The following MAGI3 variants were observed in gnomAD, a reference collection of about 807,000 sequenced individuals.
The protein encoded by MAGI3 is membrane-associated guanylate kinase, WW and PDZ domain-containing protein 3.
In MAGI3, 43 loss-of-function variants were observed where a neutral mutation model predicts 121.8. That is an observed-to-expected ratio of 0.35 (90% CI 0.28 to 0.46). The LOEUF is 0.46. Among genes scored for constraint, MAGI3 ranks in the 20% least tolerant of loss-of-function variants. MAGI3 has a pLI of 1.00. For missense variants in MAGI3, 1,547 were observed against 1,797.3 expected, an observed-to-expected ratio of 0.86 and a Z score of 2.52; for synonymous variants, 553 against 639.3, an observed-to-expected ratio of 0.86 and a Z score of 2.04.
chr1:113,522,428 T>A (rs997649301), intron 1 of MAGI3, among the ~76,000 whole-genome samples: 2 of 152,214 alleles, frequency 1.3e-5, no homozygotes, highest in Non-Finnish European at 2.9e-5. Flanking sequence ...TTTATAATTA[T>A]TCATGTGCTT....
intron 1 of MAGI3, among the ~76,000 whole-genome samples, chr1:113,528,418 T>G (rs1412435971): frequency 6.6e-6 from 1 of 152,090 alleles, no homozygotes; most frequent in Admixed American, 6.5e-5. Context: ...GTAATTCCTA[T>G]AAACTGGAAT....
chr1:113,653,606 A>T (rs932547525), intron 14 of MAGI3, among the ~76,000 whole-genome samples: 2 of 152,058 alleles, frequency 1.3e-5, no homozygotes, highest in Non-Finnish European at 2.9e-5. Context: ...ATGAGATTGT[A>T]TGTATTTTTC....
chr1:113,420,127 CAGAA>C (rs1446712582), intron 1 of MAGI3, among the ~76,000 whole-genome samples: 4 of 152,160 alleles, frequency 2.6e-5, no homozygotes, highest in Admixed American at 6.5e-5. Context: ...TGGGCAGTCT[CAGAA>C]AGCAGCAGCA....
chr1:113,481,446 A>T (rs1370328188), intron 1 of MAGI3, among the ~76,000 whole-genome samples: 1 of 152,212 alleles, frequency 6.6e-6, no homozygotes, highest in Non-Finnish European at 1.5e-5. Flanking sequence ...CAATTATGTT[A>T]GCTATCTAAT....
intron 2 of MAGI3, among the ~76,000 whole-genome samples, chr1:113,568,307 G>A (rs1170204878): frequency 6.6e-6 from 1 of 152,072 alleles, no homozygotes; most frequent in African/African-American, 2.4e-5. Flanking sequence ...AACCTCTAAT[G>A]AAACGTAAGT....
intron 1 of MAGI3, among the ~76,000 whole-genome samples, chr1:113,438,403 C>T (rs1653745436): frequency 6.6e-6 from 1 of 152,132 alleles, no homozygotes; most frequent in African/African-American, 2.4e-5. Context: ...ATGCCTTTTC[C>T]ATCTTAACTA....
chr1:113,521,702 A>G (rs1658208421), intron 1 of MAGI3, among the ~76,000 whole-genome samples: 1 of 152,134 alleles, frequency 6.6e-6, no homozygotes. Context: ...CACTGCACCC[A>G]GCCACAGTTA....
intron 1 of MAGI3, among the ~76,000 whole-genome samples, chr1:113,526,426 G>A (rs183977094): frequency 6.6e-6 from 1 of 152,334 alleles, no homozygotes; most frequent in Non-Finnish European, 1.5e-5. Context: ...GGGGAAGAGT[G>A]TTCCAGAGAA....
At chr1:113,592,529 T>C (rs1570912221) in intron 5 of MAGI3, among the ~76,000 whole-genome samples, 1 of 152,212 alleles carries the variant, frequency 6.6e-6, no homozygotes, top group East Asian at 1.9e-4. Context: ...GTTGTTCTTA[T>C]TGTTGTTTCC....
intron 1 of MAGI3, among the ~76,000 whole-genome samples, chr1:113,474,662 G>A (rs1258723312): frequency 2.0e-5 from 3 of 149,990 alleles, no homozygotes; most frequent in Non-Finnish European, 4.5e-5. Flanking sequence ...TTTTGGTTAA[G>A]TCAGGTAGCG....
chr1:113,557,955 G>C (rs1336363187), intron 2 of MAGI3, among the ~76,000 whole-genome samples: 1 of 152,148 alleles, frequency 6.6e-6, no homozygotes, highest in Non-Finnish European at 1.5e-5. Context: ...CCCCCAGCAC[G>C]CTCCAGCAGC....
chr1:113,568,504 G>A (rs1276949799), intron 2 of MAGI3, among the ~76,000 whole-genome samples: 1 of 151,936 alleles, frequency 6.6e-6, no homozygotes, highest in Non-Finnish European at 1.5e-5. Flanking sequence ...AATGTATATG[G>A]ACAGGCTTTG....
At chr1:113,601,396 C>G (rs1221458251) in intron 6 of MAGI3, among the ~76,000 whole-genome samples, 2 of 151,360 alleles carry the variant, frequency 1.3e-5, no homozygotes, top group Admixed American at 6.6e-5. Context: ...ACAACCCCAT[C>G]AAAAAGTGGG....
chr1:113,630,831 C>T (rs889929788), intron 9 of MAGI3, among the ~76,000 whole-genome samples: 10 of 152,146 alleles, frequency 6.6e-5, no homozygotes, highest in Non-Finnish European at 1.5e-4. Context: ...CCCTTAGCTG[C>T]CCTGGCTGGT....
chr1:113,647,781 A>G (rs1325112672), intron 12 of MAGI3, among the ~76,000 whole-genome samples: 2 of 152,196 alleles, frequency 1.3e-5, no homozygotes, highest in East Asian at 1.9e-4. Context: ...CCAGCAAAGC[A>G]ATAATTTAAA....
chr1:113,486,651 C>CTTTTTTTTTT (rs767164528), intron 1 of MAGI3, among the ~76,000 whole-genome samples: 1 of 124,040 alleles, frequency 8.1e-6, no homozygotes, highest in Non-Finnish European at 1.7e-5. Flanking sequence ...TCTTCAAAGT[C>CTTTTTTTTTT]TTTTTTTTTT....
intron 1 of MAGI3, among the ~76,000 whole-genome samples, chr1:113,416,318 G>A (rs191685361): frequency 9.6e-6 from 1 of 103,816 alleles, no homozygotes; most frequent in Admixed American, 1.2e-4. Flanking sequence ...AATTAATTAT[G>A]TAATTAATTA....
intron 6 of MAGI3, among the ~76,000 whole-genome samples, chr1:113,601,374 A>G (rs1325890224): frequency 7.1e-6 from 1 of 140,332 alleles, no homozygotes. Flanking sequence ...CAAATTTACA[A>G]GAAAAAAACA....
chr1:113,577,971 A>C (rs1647759342), intron 2 of MAGI3, among the ~76,000 whole-genome samples: 1 of 151,748 alleles, frequency 6.6e-6, no homozygotes, highest in South Asian at 2.1e-4. Flanking sequence ...GCTGTATAAC[A>C]GACTACCCTA....
Sources: gnomAD v4.1 joint callset for allele counts (sites outside exome capture counted in the v4.1 genomes callset) on GRCh38, gnomAD v4.1.1 for gene constraint, MANE v1.5 for transcripts, NCBI Gene and HGNC (gene_info 2026-07-23, HGNC 2026-07-21) for gene names.